Variants in ST13 observed in about 807,000 individuals in gnomAD.
ST13 encodes the protein ST13 Hsp70 interacting protein.
Under a neutral mutation model 56.7 loss-of-function variants are expected in ST13, and 23 were observed. The ratio of observed to expected loss-of-function variants is 0.41; its 90% CI spans 0.29 to 0.57. ST13 has a LOEUF of 0.57. Among genes scored for constraint, ST13 ranks in the 20% least tolerant of loss-of-function variants. The pLI is 0.36. For synonymous variants in ST13, 132 were observed against 142.4 expected (o/e 0.93, Z 0.52); for missense variants, 369 against 459.9 (o/e 0.80, Z 1.81).
At chr22:40,826,726 A>C in intron 11 of ST13, 60 bp from the exon 12 acceptor site, 2 of 1,577,758 alleles carry the variant, frequency 1.3e-6, no homozygotes, top group South Asian at 2.2e-5. Flanking sequence ...TAAGTTTATT[A>C]TCCTAAATTC....
rs893433560 is a variant in ST13 at position 40,856,628 on chromosome 22, G to A, written c.-88C>T. ...TCGGCGTGACCGCGCAGAAGGGGGC[G>A]GCTGCCGCAAGACAGAACAGACTAG... On this transcript the variant is annotated 5_prime_UTR_variant, in exon 1 of 12. Transcript: ENST00000216218. 19 of 1,058,570 alleles carry A rather than the reference G, an allele frequency of 1.8e-5. No individual in the cohort carries two copies. The highest frequency in any genetic ancestry group is 4.8e-5 in the East Asian group (2 of 41,618). The allele number at this position is 1,058,570 out of a possible 1,614,324, so 65.6% of individuals were successfully genotyped here.
At position 40,844,898 on chromosome 22, in the gene ST13, CTTT is replaced by C. The variant is rs770860890; in HGVS notation, c.253_255del (p.Lys85del). The C allele has an allele frequency of 6.2e-7, 1 of 1,612,982 alleles. No individual in the cohort carries two copies. Among genetic ancestry groups the C allele is most frequent in the Non-Finnish European group, 8.5e-7 (1 of 1,179,386 alleles). ...TCAGTGTCTGGTTCAATCACACCTT[CTTT>C]ATCAATTTCTGCCAAAGTCGAGAAA... On this transcript the variant is annotated inframe_deletion, in exon 4 of 12. Transcript: ENST00000216218.
intron 1 of ST13, 61 bp from the exon 2 acceptor site, chr22:40,850,941 G>C: frequency 8.2e-7 from 1 of 1,219,696 alleles, no homozygotes; most frequent in Non-Finnish European, 1.2e-6. Flanking sequence ...GTCACGCAAC[G>C]TATTTACACC....
intron 2 of ST13, 123 bp downstream of exon 2, chr22:40,850,700 T>A: frequency 4.2e-6 from 3 of 712,474 alleles, no homozygotes; most frequent in Non-Finnish European, 7.2e-6. Context: ...TCTTAAAAGG[T>A]CTTATTTCCA....
intron 4 of ST13, among the ~76,000 whole-genome samples, chr22:40,844,416 T>G (rs1383772238): frequency 6.6e-6 from 1 of 152,170 alleles, no homozygotes; most frequent in Non-Finnish European, 1.5e-5. Flanking sequence ...ATTAATATTC[T>G]ATGAGTCTTT....
chr22:40,839,289 T>C (rs1052214508), intron 5 of ST13, among the ~76,000 whole-genome samples: 2 of 152,204 alleles, frequency 1.3e-5, no homozygotes, highest in African/African-American at 4.8e-5. Context: ...ACTTCAATCA[T>C]CTTCTAAATC....
chr22:40,843,756 G>A (rs2057816356), intron 4 of ST13, among the ~76,000 whole-genome samples: 2 of 151,990 alleles, frequency 1.3e-5, no homozygotes, highest in Admixed American at 1.3e-4. Flanking sequence ...ATATTGAAAT[G>A]AAATACAAAG....
intron 9 of ST13, among the ~76,000 whole-genome samples, chr22:40,830,444 C>T (rs2057748755): frequency 6.6e-6 from 1 of 152,092 alleles, no homozygotes; most frequent in Admixed American, 6.6e-5. Context: ...TAGGCACTTG[C>T]CACCTTGCCC....
chr22:40,835,736 C>A, intron 6 of ST13, 66 bp from the exon 7 acceptor site: 2 of 1,595,172 alleles, frequency 1.3e-6, no homozygotes. Context: ...AACACAGAAG[C>A]AACTCTATTT....
At chr22:40,850,490 G>A (rs913275711) in intron 2 of ST13, among the ~76,000 whole-genome samples, 8 of 152,214 alleles carry the variant, frequency 5.3e-5, no homozygotes, top group African/African-American at 1.9e-4. Context: ...AATAAATAAA[G>A]TACCTACAAT....
chr22:40,830,595 C>G (rs1297540155), intron 9 of ST13, among the ~76,000 whole-genome samples: 1 of 152,160 alleles, frequency 6.6e-6, no homozygotes, highest in African/African-American at 2.4e-5. Context: ...GGAAAAACAA[C>G]TGATTTTATA....
chr22:40,854,983 ATAAG>A (rs1316945802), intron 1 of ST13, among the ~76,000 whole-genome samples: 1 of 152,222 alleles, frequency 6.6e-6, no homozygotes, highest in African/African-American at 2.4e-5. Flanking sequence ...AATTTCACAT[ATAAG>A]TAAGTCTTCC....
rs1268125344 is a variant in ST13, at chr22:40,849,314, A to G, written c.169-945T>C. ...AACATGGTGAAACCCCTTCTCCACTAAAAACACAAAAAAATTAGCCGGACG... is the reference window on the plus strand; with the variant it reads ...AACATGGTGAAACCCCTTCTCCACTGAAAACACAAAAAAATTAGCCGGACG... On this transcript the variant is annotated intron_variant, in intron 2 of 11. Coordinates refer to ENST00000216218, the MANE Select transcript of ST13 (RefSeq NM_003932.5). 4.0e-5 allele frequency among the ~76,000 whole-genome samples: 6 copies of G among 151,876 alleles called. No homozygotes were observed. The South Asian group carries it at 8.3e-4, about 21-fold the overall frequency.
chr22:40,846,466 G>A lies in ST13; in HGVS notation c.245-1557C>T, dbSNP rs180965956. Among the ~76,000 whole-genome samples the A allele has an allele frequency of 3.1e-3, 473 of 151,990 alleles. 5 individuals carry two copies. Among genetic ancestry groups the A allele is most frequent in the Middle Eastern group, 0.014 (4 of 294 alleles). On this transcript the variant is annotated intron_variant, in intron 3 of 11. Transcript: ENST00000216218. ...GCTCAAAGTTTATGCCCTTTAACAC[G>A]GTAAAAAAATTTTAATCCATTTTTT...
chr22:40,849,010 G>A (rs886186806), intron 2 of ST13, among the ~76,000 whole-genome samples: 2 of 152,206 alleles, frequency 1.3e-5, no homozygotes, highest in African/African-American at 4.8e-5. Flanking sequence ...GTGGTTTCTT[G>A]TATATCCCAT....
rs746100446 is a variant in ST13 at position 40,825,376 on chromosome 22, ATAC to A, written c.*1159_*1161del. 1 of 152,220 alleles carries A rather than the reference ATAC, an allele frequency of 6.6e-6. No individual in the cohort carries two copies. The allele number at this position is 152,220 out of a possible 1,614,324, so 9.4% of individuals were successfully genotyped here. A position where few individuals can be genotyped will look rare whatever the true frequency, so the allele number is the denominator to read the frequency against. Reference sequence around the variant, plus strand: ...CCTTATCTTCAGAATACAAAGATGAATACTACAAGATAAACTAACTGCAATAGG... The same window carrying A: ...CCTTATCTTCAGAATACAAAGATGAATACAAGATAAACTAACTGCAATAGG... On this transcript the variant is annotated 3_prime_UTR_variant, in exon 12 of 12. Coordinates refer to ENST00000216218, the MANE Select transcript of ST13 (RefSeq NM_003932.5).
intron 4 of ST13, among the ~76,000 whole-genome samples, chr22:40,843,152 C>T (rs1030690839): frequency 2.0e-5 from 3 of 151,964 alleles, no homozygotes; most frequent in Middle Eastern, 3.2e-3. Flanking sequence ...ATGGGGAACA[C>T]GTTAGTAAGT....
At chr22:40,842,181 G>C (rs1487859502) in intron 4 of ST13, among the ~76,000 whole-genome samples, 2 of 152,056 alleles carry the variant, frequency 1.3e-5, no homozygotes, top group African/African-American at 4.8e-5. Flanking sequence ...GACTTTCAAG[G>C]GGTCCTTGAG....
chr22:40,849,606 A>C (rs938152039), intron 2 of ST13, among the ~76,000 whole-genome samples: 7 of 152,108 alleles, frequency 4.6e-5, no homozygotes, highest in Non-Finnish European at 7.4e-5. Flanking sequence ...AAGACAAGCC[A>C]TAATTCTAGT....
Sources: allele counts gnomAD v4.1 joint callset (sites outside exome capture counted in the v4.1 genomes callset), GRCh38; gene constraint gnomAD v4.1.1; transcripts MANE v1.5; gene names NCBI Gene and HGNC (gene_info 2026-07-23, HGNC 2026-07-21).